CHD9: variants seen among roughly 807,000 people sequenced by gnomAD.
The protein encoded by CHD9 is ATP-dependent chromatin remodeler CHD9.
In CHD9, 77 loss-of-function variants were observed where a neutral mutation model predicts 316.1. That is an observed-to-expected ratio of 0.24 (90% CI 0.20 to 0.29). The LOEUF (loss-of-function observed/expected upper bound fraction) is 0.29. Among genes scored for constraint, CHD9 ranks in the 10% least tolerant of loss-of-function variants. CHD9 has a pLI of 1.00. For missense variants in CHD9, 2,763 were observed against 3,438.1 expected (o/e 0.80, Z 4.91); for synonymous variants, 1,129 against 1,158.3 (o/e 0.97, Z 0.51).
intron 2 of CHD9, among the ~76,000 whole-genome samples, chr16:53,170,931 T>G (rs1438621559): frequency 1.3e-5 from 2 of 152,078 alleles, no homozygotes; most frequent in Non-Finnish European, 2.9e-5. Flanking sequence ...AGGAAGGAAG[T>G]AAGGCCCATA....
intron 38 of CHD9, among the ~76,000 whole-genome samples, chr16:53,322,004 T>C (rs1232108875): frequency 6.7e-6 from 1 of 149,718 alleles, no homozygotes; most frequent in African/African-American, 2.4e-5. Flanking sequence ...CTTTTTCTTT[T>C]TTTTTTTTTT....
At chr16:53,282,655 T>C (rs73600048) in intron 24 of CHD9, among the ~76,000 whole-genome samples, 4,934 of 152,260 alleles carry the variant, frequency 0.032, 99 homozygotes, top group Middle Eastern at 0.071. Context: ...CTTCTTTTTC[T>C]TCCCTTCCAT....
At chr16:53,210,565 G>A (rs1400998866) in intron 3 of CHD9, among the ~76,000 whole-genome samples, 1 of 152,078 alleles carries the variant, frequency 6.6e-6, no homozygotes, top group African/African-American at 2.4e-5. Flanking sequence ...GCAAGGGTAA[G>A]CATAACTAAG....
intron 27 of CHD9, among the ~76,000 whole-genome samples, chr16:53,289,349 G>T (rs939409523): frequency 1.3e-5 from 2 of 152,038 alleles, no homozygotes; most frequent in Non-Finnish European, 2.9e-5. Context: ...GAGCCCAGGA[G>T]TTCAAGACCA....
Position 53,324,828 on chromosome 16 carries a change from A to G in CHD9, c.8627A>G (p.Asp2876Gly). ...NSTDEGSEKADASSGSDSTSS... is the reference protein window; with the variant it reads ...NSTDEGSEKAGASSGSDSTSS... ...ACAGATGAGGGTTCAGAGAAAGCTG[A>G]TGCTTCATCTGGATCTGATAGTACA... The change falls in exon 39 of 39, where the codon GAT (aspartate) becomes GGT (glycine). Residue 2876 changes from aspartate (D) to glycine (G), a missense_variant. This residue lies in a region of CHD9 where 298 missense variants were observed against 380.2 expected (regional missense o/e 0.78). Coordinates refer to ENST00000447540, the MANE Select transcript of CHD9 (RefSeq NM_001308319.2). The G allele has an allele frequency of 6.2e-7, 1 of 1,612,436 alleles. No homozygotes were observed. Among genetic ancestry groups the G allele is most frequent in the Non-Finnish European group, 8.5e-7 (1 of 1,179,234 alleles).
At chr16:53,234,373 A>T (rs1442429058) in intron 10 of CHD9, among the ~76,000 whole-genome samples, 3 of 152,168 alleles carry the variant, frequency 2.0e-5, no homozygotes, top group African/African-American at 7.2e-5. Flanking sequence ...TGTTGAATAG[A>T]AGTTGTCACA....
At chr16:53,211,997 T>A (rs1163256316) in intron 3 of CHD9, among the ~76,000 whole-genome samples, 1 of 152,226 alleles carries the variant, frequency 6.6e-6, no homozygotes, top group African/African-American at 2.4e-5. Flanking sequence ...TTAAAATTTT[T>A]TATTTTTCTA....
At chr16:53,094,462 G>A (rs961607684) in intron 1 of CHD9, among the ~76,000 whole-genome samples, 4 of 152,032 alleles carry the variant, frequency 2.6e-5, no homozygotes, top group African/African-American at 7.2e-5. Context: ...AAACTCACCC[G>A]TACCCGGTGA....
intron 24 of CHD9, among the ~76,000 whole-genome samples, chr16:53,280,443 A>C (rs958168497): frequency 1.3e-5 from 2 of 152,234 alleles, no homozygotes; most frequent in South Asian, 2.1e-4. Context: ...ACCAAACGTT[A>C]TATGTTCTCA....
At chr16:53,262,112 C>T (rs568374113) in intron 19 of CHD9, among the ~76,000 whole-genome samples, 2 of 152,166 alleles carry the variant, frequency 1.3e-5, no homozygotes, top group South Asian at 4.1e-4. Context: ...CACTAGTCTC[C>T]TTTGAAAATC....
intron 25 of CHD9, 23 bp downstream of exon 25, chr16:53,285,722 G>T: frequency 7.4e-7 from 1 of 1,357,046 alleles, no homozygotes; most frequent in Non-Finnish European, 1.0e-6. Context: ...TAAGGTAGGT[G>T]AGATCCCCTT....
chr16:53,182,266 A>G (rs1414241301), intron 2 of CHD9, among the ~76,000 whole-genome samples: 1 of 152,054 alleles, frequency 6.6e-6, no homozygotes, highest in Non-Finnish European at 1.5e-5. Flanking sequence ...TTAATCATGG[A>G]TCACTGCAGC....
chr16:53,072,354 A>AT (rs1293580680), intron 1 of CHD9, among the ~76,000 whole-genome samples: 3 of 135,766 alleles, frequency 2.2e-5, no homozygotes, highest in Admixed American at 1.5e-4. Flanking sequence ...TCCCTGCAAT[A>AT]TTTTTTTCCA....
chr16:53,296,367 T>C (rs1408617039), intron 29 of CHD9, among the ~76,000 whole-genome samples: 1 of 152,128 alleles, frequency 6.6e-6, no homozygotes, highest in African/African-American at 2.4e-5. Context: ...GTGTATACTT[T>C]TAAAAGTATG....
At chr16:53,127,828 G>A (rs1349191677) in intron 1 of CHD9, among the ~76,000 whole-genome samples, 1 of 151,482 alleles carries the variant, frequency 6.6e-6, no homozygotes, top group South Asian at 2.1e-4. Flanking sequence ...GGCTGAGGCA[G>A]GAGAAGTGCT....
chr16:53,241,541 A>T (rs1228830776), intron 12 of CHD9, among the ~76,000 whole-genome samples: 1 of 152,244 alleles, frequency 6.6e-6, no homozygotes, highest in Non-Finnish European at 1.5e-5. Context: ...TGTCTAATAG[A>T]TGTCTCAAAA....
intron 19 of CHD9, among the ~76,000 whole-genome samples, chr16:53,260,632 T>A (rs1344600115): frequency 6.6e-6 from 1 of 152,200 alleles, no homozygotes; most frequent in Non-Finnish European, 1.5e-5. Flanking sequence ...TAGTTCTAGG[T>A]GTCAGAAGTC....
chr16:53,082,809 G>C (rs558723134), intron 1 of CHD9, among the ~76,000 whole-genome samples: 1 of 152,262 alleles, frequency 6.6e-6, no homozygotes, highest in South Asian at 2.1e-4. Context: ...ACATCCTTCA[G>C]ATCCCAGGTT....
intron 37 of CHD9, among the ~76,000 whole-genome samples, chr16:53,319,199 A>G (rs2057094658): frequency 6.6e-6 from 1 of 152,218 alleles, no homozygotes; most frequent in African/African-American, 2.4e-5. Context: ...CAACAAAATA[A>G]TTAGGAAAGA....
Sources: allele counts gnomAD v4.1 joint callset (sites outside exome capture counted in the v4.1 genomes callset), GRCh38; gene constraint gnomAD v4.1.1; regional missense constraint gnomAD v4.1.1; transcripts MANE v1.5; gene names NCBI Gene and HGNC (gene_info 2026-07-23, HGNC 2026-07-21).